The following ABCD3 variants were observed in gnomAD, a reference collection of about 807,000 sequenced individuals.
ABCD3 encodes ATP binding cassette subfamily D member 3.
Under a neutral mutation model 105.5 loss-of-function variants are expected in ABCD3, and 41 were observed. That is an observed-to-expected ratio of 0.39 (90% CI 0.30 to 0.50). The LOEUF is 0.50. Ranked by LOEUF, ABCD3 falls within the 20% of genes least tolerant of loss-of-function variation. The pLI is 0.84. For synonymous variants in ABCD3, 258 were observed against 269.0 expected (o/e 0.96, Z 0.40); for missense variants, 622 against 806.3 (o/e 0.77, Z 2.77).
the ABCD3 span, among the ~76,000 whole-genome samples, chr1:94,385,913 A>G: frequency 6.6e-6 from 1 of 152,222 alleles, no homozygotes; most frequent in Non-Finnish European, 1.5e-5. Context: ...TGCTCAAGAA[A>G]AAAAGACTAG....
intron 20 of ABCD3, among the ~76,000 whole-genome samples, chr1:94,500,118 G>T (rs2101043480): frequency 6.6e-6 from 1 of 152,180 alleles, no homozygotes; most frequent in Admixed American, 6.5e-5. Flanking sequence ...ACTACTTAAA[G>T]TTACTTAGAA....
intron 13 of ABCD3, 37 bp from the exon 14 acceptor site, chr1:94,489,688 G>T: frequency 7.1e-7 from 1 of 1,401,996 alleles, no homozygotes; most frequent in East Asian, 2.3e-5. Flanking sequence ...ACAATAGTCT[G>T]GAGTTTTGAT....
chr1:94,406,343 T>TG, the ABCD3 span: 2,413 of 199,898 alleles, frequency 0.012, 42 homozygotes, highest in Middle Eastern at 0.017. Context: ...TTGTTTTGTT[T>TG]TTTTTTTTTT....
At chr1:94,408,311 G>A in the ABCD3 span, among the ~76,000 whole-genome samples, 2 of 151,952 alleles carry the variant, frequency 1.3e-5, no homozygotes, top group Non-Finnish European at 1.5e-5. Context: ...AGGCTGCTGC[G>A]ATGGCTCATG....
the ABCD3 span, among the ~76,000 whole-genome samples, chr1:94,389,226 G>C: frequency 1.3e-5 from 2 of 152,226 alleles, no homozygotes; most frequent in Admixed American, 1.3e-4. Context: ...GCCTAAGAGG[G>C]CTGGAGAGGA....
At chr1:94,481,266 C>G (rs996552847) in intron 9 of ABCD3, among the ~76,000 whole-genome samples, 33 of 152,158 alleles carry the variant, frequency 2.2e-4, no homozygotes, top group African/African-American at 7.7e-4. Context: ...ATATATTGAT[C>G]TGTTAATGTT....
At chr1:94,446,753 C>A (rs1174135865) in intron 1 of ABCD3, among the ~76,000 whole-genome samples, 1 of 152,160 alleles carries the variant, frequency 6.6e-6, no homozygotes, top group East Asian at 1.9e-4. Flanking sequence ...GTGGCCAATT[C>A]AACCTGTTCA....
chr1:94,462,846 G>A (rs962138923), intron 2 of ABCD3, among the ~76,000 whole-genome samples: 1 of 152,130 alleles, frequency 6.6e-6, no homozygotes, highest in African/African-American at 2.4e-5. Flanking sequence ...TGGTGATGGC[G>A]ATAGGAGGAA....
intron 21 of ABCD3, among the ~76,000 whole-genome samples, chr1:94,511,352 G>A (rs1168939373): frequency 6.6e-6 from 1 of 152,098 alleles, no homozygotes; most frequent in Non-Finnish European, 1.5e-5. Context: ...GGTTTCTGCC[G>A]AGAGATCCGC....
the ABCD3 span, among the ~76,000 whole-genome samples, chr1:94,397,012 A>G: frequency 1.3e-5 from 2 of 152,162 alleles, no homozygotes. Context: ...TATTTATGCT[A>G]GTTTCTTACT....
chr1:94,458,521 TTGGTA>T (rs1647701353), intron 1 of ABCD3, 81 bp from the exon 2 acceptor site: 6 of 1,150,410 alleles, frequency 5.2e-6, no homozygotes, highest in Middle Eastern at 2.0e-4. Context: ...TTTAAATAAT[TTGGTA>T]TATTTGACAT....
At chr1:94,505,303 G>T (rs1463599082) in intron 20 of ABCD3, among the ~76,000 whole-genome samples, 3 of 151,888 alleles carry the variant, frequency 2.0e-5, no homozygotes, top group Non-Finnish European at 4.4e-5. Flanking sequence ...GACCTACTGG[G>T]CTCAAGCCCT....
intron 9 of ABCD3, chr1:94,481,437 A>G (rs1402099746): frequency 6.6e-6 from 1 of 152,276 alleles, no homozygotes. Flanking sequence ...TTAAGAGGTG[A>G]TTTGCCAAGT....
At chr1:94,420,304 A>C (rs754541065) in intron 1 of ABCD3, among the ~76,000 whole-genome samples, 3 of 152,222 alleles carry the variant, frequency 2.0e-5, no homozygotes, top group Non-Finnish European at 2.9e-5. Context: ...CCAGTTTGTA[A>C]GACCATAGAT....
At chr1:94,459,243 G>T (rs1647748805) in intron 2 of ABCD3, among the ~76,000 whole-genome samples, 1 of 151,886 alleles carries the variant, frequency 6.6e-6, no homozygotes, top group Non-Finnish European at 1.5e-5. Flanking sequence ...TATATTTGAA[G>T]ATAGTTGTAT....
At chr1:94,419,384 G>A in intron 1 of ABCD3, 4 of 981,966 alleles carry the variant, frequency 4.1e-6, no homozygotes, top group Non-Finnish European at 4.8e-6. Context: ...GAATTTCAGT[G>A]CTTAGATTTA....
chr1:94,419,763 T>G (rs1355695433), intron 1 of ABCD3, among the ~76,000 whole-genome samples: 1 of 152,218 alleles, frequency 6.6e-6, no homozygotes, highest in East Asian at 1.9e-4. Context: ...GAGTCTGAAG[T>G]GATGATCTTT....
upstream of ABCD3, among the ~76,000 whole-genome samples, chr1:94,414,511 C>T (rs1052732094): frequency 6.6e-6 from 1 of 152,006 alleles, no homozygotes; most frequent in Non-Finnish European, 1.5e-5. Flanking sequence ...CTTCAGCCCA[C>T]TCTACACACT....
intron 16 of ABCD3, among the ~76,000 whole-genome samples, chr1:94,497,294 C>G (rs1649870640): frequency 6.6e-6 from 1 of 152,086 alleles, no homozygotes; most frequent in South Asian, 2.1e-4. Flanking sequence ...TTTTTTGTCT[C>G]TTTAATTCAT....
Sources: allele counts gnomAD v4.1 joint callset (sites outside exome capture counted in the v4.1 genomes callset), GRCh38; gene constraint gnomAD v4.1.1; transcripts MANE v1.5; gene names NCBI Gene and HGNC (gene_info 2026-07-23, HGNC 2026-07-21).